VPS13D: variants seen among roughly 807,000 people sequenced by gnomAD.
The protein encoded by VPS13D is intermembrane lipid transfer protein VPS13D.
Under a neutral mutation model 461.9 loss-of-function variants are expected in VPS13D, and 187 were observed. That is an observed-to-expected ratio of 0.40 (90% confidence interval 0.36 to 0.46). VPS13D has a LOEUF of 0.46. VPS13D is among the 20% of genes least tolerant of loss of function. The pLI is 0.60. For synonymous variants in VPS13D, 1,951 were observed against 1,986.3 expected, an observed-to-expected ratio of 0.98 and a Z score of 0.47; for missense variants, 4,711 against 5,364.9, an observed-to-expected ratio of 0.88 and a Z score of 3.81.
At chr1:12,235,522 C>T (rs1011059868) in intron 2 of VPS13D, among the ~76,000 whole-genome samples, 1 of 152,062 alleles carries the variant, frequency 6.6e-6, no homozygotes, top group Non-Finnish European at 1.5e-5. Flanking sequence ...TTGCAGTGAG[C>T]CGAGGTCACA....
At chr1:12,281,539 G>C (rs921044518) in intron 20 of VPS13D, among the ~76,000 whole-genome samples, 2 of 152,130 alleles carry the variant, frequency 1.3e-5, no homozygotes, top group African/African-American at 4.8e-5. Context: ...GACTGGATTC[G>C]GGTTTCTTTT....
At chr1:12,281,073 T>G (rs868595175) in intron 20 of VPS13D, among the ~76,000 whole-genome samples, 7 of 151,966 alleles carry the variant, frequency 4.6e-5, no homozygotes, top group Non-Finnish European at 8.8e-5. Context: ...ATTTTTTTTT[T>G]TTTTGGTGAA....
chr1:12,510,010 A>C lies in VPS13D; in HGVS notation c.*986A>C, dbSNP rs1646161956. 2 of 152,346 alleles carry C rather than the reference A, an allele frequency of 1.3e-5. No homozygotes were observed. The highest frequency in any genetic ancestry group is 1.3e-4 in the Admixed American group (2 of 15,308). The allele number at this position is 152,346 out of a possible 1,614,324, so 9.4% of individuals were successfully genotyped here. A position where few individuals can be genotyped will look rare whatever the true frequency, so the allele number is the denominator to read the frequency against. ...CCCCGGGACTGTTTTCTTTTTAATA[A>C]AGCCACAGGCAGGCATCGTAGCTCC... On this transcript the variant is annotated 3_prime_UTR_variant, in exon 70 of 70. Coordinates refer to ENST00000620676, the MANE Select transcript of VPS13D (RefSeq NM_015378.4).
At chr1:12,394,884 C>A (rs1229046744) in intron 60 of VPS13D, among the ~76,000 whole-genome samples, 2 of 152,180 alleles carry the variant, frequency 1.3e-5, no homozygotes, top group Non-Finnish European at 2.9e-5. Context: ...TTAGTGGGCC[C>A]AGATCAATAA....
At chr1:12,377,646 C>G (rs1258084557) in intron 55 of VPS13D, among the ~76,000 whole-genome samples, 1 of 151,456 alleles carries the variant, frequency 6.6e-6, no homozygotes, top group Non-Finnish European at 1.5e-5. Flanking sequence ...ATGGCGAAAC[C>G]CTGTCTCTAC....
intron 67 of VPS13D, among the ~76,000 whole-genome samples, chr1:12,489,157 C>A (rs1305932042): frequency 6.6e-6 from 1 of 152,136 alleles, no homozygotes; most frequent in Non-Finnish European, 1.5e-5. Flanking sequence ...GGTAGTCTCG[C>A]CCCTGAGGCA....
Position 12,283,547 on chromosome 1 carries a change from T to C in VPS13D, c.5445T>C (p.Asn1815=). Residue 1815 remains asparagine (N), a synonymous_variant, in exon 21 of 70, where the codon AAT becomes AAC. Coordinates refer to ENST00000620676, the MANE Select transcript of VPS13D (RefSeq NM_015378.4). ...RVNRSIDVDF[N]CLDVLITLQT... Reference sequence around the variant, plus strand: ...ACCGGAGCATTGATGTTGATTTTAATTGCTTGGATGTGCTGATCACACTGC... The same window carrying C: ...ACCGGAGCATTGATGTTGATTTTAACTGCTTGGATGTGCTGATCACACTGC... The C allele has an allele frequency of 6.2e-7, 1 of 1,614,220 alleles. No homozygotes were observed.
At chr1:12,353,410 G>C (rs1643850628) in intron 46 of VPS13D, among the ~76,000 whole-genome samples, 1 of 151,702 alleles carries the variant, frequency 6.6e-6, no homozygotes, top group African/African-American at 2.4e-5. Flanking sequence ...GTGGTCGCCT[G>C]TAGTCCCAGC....
At chr1:12,312,539 C>T (rs999642491) in intron 29 of VPS13D, among the ~76,000 whole-genome samples, 6 of 152,174 alleles carry the variant, frequency 3.9e-5, no homozygotes, top group African/African-American at 1.4e-4. Flanking sequence ...AGGAGGATTG[C>T]TTGAGGCCAG....
chr1:12,439,937 C>G (rs1426957479), intron 65 of VPS13D, among the ~76,000 whole-genome samples: 1 of 152,186 alleles, frequency 6.6e-6, no homozygotes, highest in Non-Finnish European at 1.5e-5. Flanking sequence ...GTGCTGTTTT[C>G]CTATGGATGC....
Position 12,508,890 on chromosome 1 carries a change from T to A in VPS13D, c.13036-3T>A. 1 of 1,613,982 alleles carries A rather than the reference T, an allele frequency of 6.2e-7. No homozygotes were observed. Among genetic ancestry groups the A allele is most frequent in the Non-Finnish European group, 8.5e-7 (1 of 1,179,932 alleles). ...AGGTGACCCATCCTGTTCTCCTCCTTAGGTCCATGTGAAATCTGAGGTCCT... is the reference window on the plus strand; with the variant it reads ...AGGTGACCCATCCTGTTCTCCTCCTAAGGTCCATGTGAAATCTGAGGTCCT... On this transcript the variant is annotated splice_region_variant and splice_polypyrimidine_tract_variant and intron_variant, in intron 69 of 69. Transcript: ENST00000620676.
chr1:12,267,946 A>T (rs1291292455), intron 15 of VPS13D, 26 bp downstream of exon 15: 14 of 1,572,004 alleles, frequency 8.9e-6, no homozygotes, highest in Non-Finnish European at 1.0e-5. Context: ...TTGTTTTTTT[A>T]AAATTTTTAA....
intron 67 of VPS13D, among the ~76,000 whole-genome samples, chr1:12,494,195 C>A (rs530011348): frequency 6.6e-6 from 1 of 152,128 alleles, no homozygotes; most frequent in Non-Finnish European, 1.5e-5. Flanking sequence ...AAGTCAAGAA[C>A]CCTGGAAATG....
At chr1:12,493,506 A>G (rs1477966585) in intron 67 of VPS13D, among the ~76,000 whole-genome samples, 3 of 151,300 alleles carry the variant, frequency 2.0e-5, no homozygotes, top group Non-Finnish European at 4.4e-5. Flanking sequence ...AAAAAAGACT[A>G]GAGTCCTTTC....
At chr1:12,268,659 A>G (rs112671800) in intron 15 of VPS13D, 47 bp from the exon 16 acceptor site, 52 of 1,575,654 alleles carry the variant, frequency 3.3e-5, no homozygotes, top group African/African-American at 2.2e-4. Context: ...TAATAAGGCT[A>G]TAGTTTTTGC....
At chr1:12,291,269 C>A in intron 23 of VPS13D, 145 bp downstream of exon 23, 1 of 872,878 alleles carries the variant, frequency 1.1e-6, no homozygotes, top group Non-Finnish European at 1.7e-6. Context: ...ATGAGGAGTT[C>A]TTCCTGACTT....
At chr1:12,490,169 C>G (rs1317139967) in intron 67 of VPS13D, among the ~76,000 whole-genome samples, 1 of 152,204 alleles carries the variant, frequency 6.6e-6, no homozygotes, top group Non-Finnish European at 1.5e-5. Flanking sequence ...GAGGCAGGCA[C>G]AAACCATTTG....
intron 15 of VPS13D, among the ~76,000 whole-genome samples, chr1:12,268,249 CTTT>C (rs35267390): frequency 9.9e-6 from 1 of 100,734 alleles, no homozygotes; most frequent in African/African-American, 3.7e-5. Flanking sequence ...CATGCCTGAG[CTTT>C]TTTTTTTTTT....
At chr1:12,484,869 A>G (rs1645776395) in intron 67 of VPS13D, among the ~76,000 whole-genome samples, 1 of 152,122 alleles carries the variant, frequency 6.6e-6, no homozygotes, top group South Asian at 2.1e-4. Flanking sequence ...ATAATCATTC[A>G]AGGACTCAGT....
Sources: allele counts gnomAD v4.1 joint callset (sites outside exome capture counted in the v4.1 genomes callset), GRCh38; gene constraint gnomAD v4.1.1; transcripts MANE v1.5; gene names NCBI Gene and HGNC (gene_info 2026-07-23, HGNC 2026-07-21).